The following SLC10A7 variants were observed in gnomAD, a reference collection of about 807,000 sequenced individuals.
SLC10A7 encodes sodium/bile acid cotransporter 7.
A neutral mutation model predicts 43.2 loss-of-function variants in SLC10A7; 29 were observed. The observed-to-expected ratio is 0.67, with a 90% CI of 0.50 to 0.92. The LOEUF is 0.92. Ranked by LOEUF, SLC10A7 falls within the 40% of genes least tolerant of loss-of-function variation. The probability of loss-of-function intolerance (pLI) is 0.00; values close to 1 mark genes in which losing one functional copy is unlikely to be tolerated. For synonymous variants in SLC10A7, 152 were observed against 144.8 expected, an observed-to-expected ratio of 1.05 and a Z score of -0.35; for missense variants, 295 against 403.2, an observed-to-expected ratio of 0.73 and a Z score of 2.30.
At chr4:146,453,052 A>T (rs77104568) in intron 4 of SLC10A7, among the ~76,000 whole-genome samples, 37,186 of 144,692 alleles carry the variant, frequency 0.26, 4,637 homozygotes, top group South Asian at 0.35. Flanking sequence ...TATATATATA[A>T]ATATACAATC....
chr4:146,448,162 A>G (rs1731271596), intron 4 of SLC10A7, among the ~76,000 whole-genome samples: 1 of 152,114 alleles, frequency 6.6e-6, no homozygotes, highest in Admixed American at 6.5e-5. Flanking sequence ...GCACATGTAT[A>G]CATATGTAAC....
chr4:146,502,311 T>C (rs144433587), intron 4 of SLC10A7, among the ~76,000 whole-genome samples: 20 of 152,346 alleles, frequency 1.3e-4, no homozygotes, highest in African/African-American at 4.8e-4. Context: ...GGTTGGAATG[T>C]AAAACTGTAT....
intron 4 of SLC10A7, among the ~76,000 whole-genome samples, chr4:146,472,172 G>C (rs1227450404): frequency 7.4e-6 from 1 of 135,980 alleles, no homozygotes; most frequent in African/African-American, 2.8e-5. Flanking sequence ...ATGCACTGCT[G>C]TCAGCATTAT....
At chr4:146,501,964 C>A (rs1048117652) in intron 4 of SLC10A7, among the ~76,000 whole-genome samples, 5 of 152,100 alleles carry the variant, frequency 3.3e-5, no homozygotes, top group African/African-American at 9.7e-5. Flanking sequence ...AATAATAAGA[C>A]AAGTCACAGA....
intron 4 of SLC10A7, among the ~76,000 whole-genome samples, chr4:146,477,361 A>T (rs1298050967): frequency 6.6e-6 from 1 of 152,238 alleles, no homozygotes; most frequent in African/African-American, 2.4e-5. Flanking sequence ...AAACAGAAAC[A>T]AAAACAAGTA....
intron 5 of SLC10A7, among the ~76,000 whole-genome samples, chr4:146,386,946 T>C (rs964154320): frequency 5.3e-5 from 8 of 152,246 alleles, no homozygotes; most frequent in South Asian, 2.1e-4. Context: ...AGATACTCAA[T>C]AAACAACTAC....
At chr4:146,501,488 G>A (rs1447697846) in intron 4 of SLC10A7, among the ~76,000 whole-genome samples, 1 of 152,132 alleles carries the variant, frequency 6.6e-6, no homozygotes, top group African/African-American at 2.4e-5. Context: ...ATCAACCTGG[G>A]CAGTGAAAAG....
chr4:146,435,719 T>C (rs1057053877), intron 5 of SLC10A7, among the ~76,000 whole-genome samples: 5 of 152,200 alleles, frequency 3.3e-5, no homozygotes, highest in African/African-American at 1.2e-4. Flanking sequence ...AAGCATCTCC[T>C]ACTAAAGACC....
chr4:146,264,636 G>C (rs1345624295), intron 10 of SLC10A7, among the ~76,000 whole-genome samples: 2 of 152,090 alleles, frequency 1.3e-5, no homozygotes, highest in Non-Finnish European at 1.5e-5. Flanking sequence ...TCTACAATTA[G>C]ATGGGTGAGT....
At chr4:146,349,059 A>G (rs1000715655) in intron 5 of SLC10A7, among the ~76,000 whole-genome samples, 4 of 152,334 alleles carry the variant, frequency 2.6e-5, no homozygotes, top group Admixed American at 6.5e-5. Context: ...ACAGACCCCA[A>G]TGAATGCTGA....
chr4:146,442,220 G>C (rs1198674248), intron 5 of SLC10A7: 1 of 954,240 alleles, frequency 1.0e-6, no homozygotes, highest in Non-Finnish European at 1.2e-6. Context: ...TATGAAAGCT[G>C]AACTACTTTT....
rs1273093151 is a variant in SLC10A7, at chr4:146,503,852, A to G, written c.393T>C (p.Asn131=). ...AVILTKAVGG[N]EAAAIFNSAF... ...ATAAGGTAGCCCCATGACTCACCTC[A>G]TTTCCACCAACTGCCTTGGTTAAAA... The change falls in exon 4 of 12, where the codon AAT becomes AAC. Residue 131 remains asparagine, a synonymous_variant. Transcript: ENST00000335472. 3.1e-6 allele frequency: 5 copies of G among 1,614,096 alleles called. 1 individual carries two copies. The Admixed American group carries it at 6.7e-5, about 22-fold the overall frequency.
At chr4:146,304,711 A>G (rs1243919073) in intron 7 of SLC10A7, among the ~76,000 whole-genome samples, 3 of 152,154 alleles carry the variant, frequency 2.0e-5, no homozygotes, top group Admixed American at 6.5e-5. Context: ...TGGTGCTGAA[A>G]AAAATGTATA....
intron 5 of SLC10A7, among the ~76,000 whole-genome samples, chr4:146,438,092 T>C (rs1190439156): frequency 6.6e-6 from 1 of 152,064 alleles, no homozygotes; most frequent in Non-Finnish European, 1.5e-5. Context: ...GTTTGGGATT[T>C]CTTTTCTTTC....
chr4:146,352,493 C>G (rs1323509220), intron 5 of SLC10A7, among the ~76,000 whole-genome samples: 1 of 148,696 alleles, frequency 6.7e-6, no homozygotes, highest in Non-Finnish European at 1.5e-5. Context: ...AGAAAGTCAA[C>G]AAGGATACCC....
chr4:146,435,207 A>G (rs1453471227), intron 5 of SLC10A7, among the ~76,000 whole-genome samples: 1 of 152,198 alleles, frequency 6.6e-6, no homozygotes, highest in African/African-American at 2.4e-5. Flanking sequence ...TAGAAATGCT[A>G]AATTGTTTAC....
At chr4:146,257,980 T>A (rs1048489041) in intron 11 of SLC10A7, among the ~76,000 whole-genome samples, 24 of 152,248 alleles carry the variant, frequency 1.6e-4, no homozygotes, top group African/African-American at 5.1e-4. Context: ...GTCACTACTT[T>A]GTGAATAGAC....
intron 10 of SLC10A7, among the ~76,000 whole-genome samples, chr4:146,281,806 T>C (rs116862074): frequency 1.1e-4 from 17 of 152,258 alleles, no homozygotes; most frequent in Non-Finnish European, 1.8e-4. Flanking sequence ...TAGTAATCAA[T>C]AAGAATAGCT....
chr4:146,356,501 C>T (rs1308905436), intron 5 of SLC10A7, among the ~76,000 whole-genome samples: 1 of 151,954 alleles, frequency 6.6e-6, no homozygotes, highest in Non-Finnish European at 1.5e-5. Flanking sequence ...TTACCTTCTT[C>T]CCCTAGATCT....
Sources: allele counts gnomAD v4.1 joint callset (sites outside exome capture counted in the v4.1 genomes callset), GRCh38; gene constraint gnomAD v4.1.1; transcripts MANE v1.5; gene names NCBI Gene and HGNC (gene_info 2026-07-23, HGNC 2026-07-21).